Variants in SKOR2 observed in about 807,000 individuals in gnomAD.
SKOR2 encodes LBX1 corepressor 1-like protein.
In SKOR2, 47 loss-of-function variants were observed where a neutral mutation model predicts 69.1. That is an observed-to-expected ratio of 0.68 (90% CI 0.54 to 0.87). SKOR2 has a LOEUF of 0.87. Among genes scored for constraint, SKOR2 ranks in the 40% least tolerant of loss-of-function variants. The pLI, the probability that SKOR2 is intolerant of heterozygous loss-of-function variation, is 0.00. For synonymous variants in SKOR2, 717 were observed against 672.6 expected (o/e 1.07, Z -1.02); for missense variants, 1,404 against 1,472.2 (o/e 0.95, Z 0.76).
chr18:47,231,883 A>C (rs903895776), intron 4 of SKOR2, among the ~76,000 whole-genome samples: 1 of 150,682 alleles, frequency 6.6e-6, no homozygotes, highest in Non-Finnish European at 1.5e-5. Flanking sequence ...AGGTGTGGTG[A>C]CTCACATCTG....
chr18:47,212,251 A>G, intron 7 of SKOR2, 100 bp from the exon 8 acceptor site: 1 of 1,091,436 alleles, frequency 9.2e-7, no homozygotes, highest in Non-Finnish European at 1.2e-6. Flanking sequence ...GAATGCCAAT[A>G]GATCCTCCCT....
chr18:47,251,066 C>T (rs1343976795), intron 1 of SKOR2, among the ~76,000 whole-genome samples: 1 of 151,406 alleles, frequency 6.6e-6, no homozygotes, highest in Non-Finnish European at 1.5e-5. Context: ...ACCCCAAGCC[C>T]TCCCAGAAAC....
chr18:47,209,890 G>C (rs2064122754), intron 8 of SKOR2, among the ~76,000 whole-genome samples: 2 of 152,122 alleles, frequency 1.3e-5, no homozygotes, highest in Admixed American at 1.3e-4. Context: ...CCAGGAGCTT[G>C]AGACCAGCCT....
intron 4 of SKOR2, among the ~76,000 whole-genome samples, chr18:47,239,123 T>C (rs974557537): frequency 6.6e-6 from 1 of 152,212 alleles, no homozygotes; most frequent in Non-Finnish European, 1.5e-5. Context: ...GTGTAACTAG[T>C]ACACTTAAGA....
At chr18:47,233,968 T>C (rs973620360) in intron 4 of SKOR2, among the ~76,000 whole-genome samples, 2 of 152,216 alleles carry the variant, frequency 1.3e-5, no homozygotes, top group African/African-American at 2.4e-5. Flanking sequence ...ACAATTTGCA[T>C]TGGCATCTAT....
At chr18:47,241,264 G>A (rs2064247437) in intron 4 of SKOR2, among the ~76,000 whole-genome samples, 1 of 152,102 alleles carries the variant, frequency 6.6e-6, no homozygotes, top group Non-Finnish European at 1.5e-5. Flanking sequence ...GTTACATGGG[G>A]GAAAATATCT....
rs776109423 is a variant in SKOR2, at chr18:47,249,025, C to G, written c.159G>C (p.Ser53=). ...GGCGCTCTTGCCCGTCGATCACCAACGACACGATGGGAATGCCGTAGAGGA... is the reference window on the plus strand; with the variant it reads ...GGCGCTCTTGCCCGTCGATCACCAAGGACACGATGGGAATGCCGTAGAGGA... The part of the protein sequence containing the change: ...QVILYGIPIV[S]LVIDGQERLC... Residue 53 remains serine, a synonymous_variant, in exon 2 of 9, where the codon TCG becomes TCC. Coordinates refer to ENST00000425639, the MANE Select transcript of SKOR2 (RefSeq NM_001278063.4). 7 of 1,542,326 alleles carry G rather than the reference C, an allele frequency of 4.5e-6. No homozygotes were observed. Among genetic ancestry groups the G allele is most frequent in the Non-Finnish European group, 6.1e-6 (7 of 1,149,816 alleles).
At chr18:47,238,577 C>G (rs778603789) in intron 4 of SKOR2, among the ~76,000 whole-genome samples, 4 of 152,102 alleles carry the variant, frequency 2.6e-5, no homozygotes, top group Non-Finnish European at 5.9e-5. Flanking sequence ...CCTGCCTCAG[C>G]CTCCCAAAGT....
At chr18:47,227,084 CTTGT>C (rs2064181085) in intron 6 of SKOR2, among the ~76,000 whole-genome samples, 1 of 152,110 alleles carries the variant, frequency 6.6e-6, no homozygotes. Flanking sequence ...CAGAGACTTG[CTTGT>C]TTCTCTTCCT....
At chr18:47,235,194 G>A (rs2064217037) in intron 4 of SKOR2, among the ~76,000 whole-genome samples, 1 of 152,042 alleles carries the variant, frequency 6.6e-6, no homozygotes, top group Non-Finnish European at 1.5e-5. Flanking sequence ...AACTCTGTCT[G>A]TACAAAAAAG....
At chr18:47,218,044 G>T (rs903578982) in intron 7 of SKOR2, among the ~76,000 whole-genome samples, 5 of 152,074 alleles carry the variant, frequency 3.3e-5, no homozygotes, top group Non-Finnish European at 7.4e-5. Flanking sequence ...TATCTCAAAA[G>T]ACATGAGATA....
At chr18:47,244,414 T>C (rs912966415) in intron 4 of SKOR2, among the ~76,000 whole-genome samples, 48 of 152,366 alleles carry the variant, frequency 3.2e-4, no homozygotes, top group South Asian at 6.2e-4. Flanking sequence ...TAATCACGTC[T>C]TTCCCAAACC....
intron 4 of SKOR2, among the ~76,000 whole-genome samples, chr18:47,232,265 G>A (rs879430086): frequency 6.6e-6 from 1 of 152,018 alleles, no homozygotes; most frequent in South Asian, 2.1e-4. Flanking sequence ...GCTCTTCCTC[G>A]ACCAAAGAAA....
intron 7 of SKOR2, among the ~76,000 whole-genome samples, chr18:47,214,417 C>T (rs1026091819): frequency 1.3e-5 from 2 of 152,042 alleles, no homozygotes; most frequent in African/African-American, 4.8e-5. Context: ...ATTATCCCTA[C>T]TAGAATGTTG....
At position 47,244,945 on chromosome 18, in the gene SKOR2, A is replaced by G; in HGVS notation, c.2715T>C (p.Ser905=). ...NKEHSFFITD[S]DASGGDFWRE... ...TCCAAAAATCTCCTCCAGAAGCATC[A>G]GAGTCTGTGATGAAAAAGCTATGCT... is the stretch of plus-strand genomic sequence containing the variant. The change falls in exon 4 of 9, where the codon TCT becomes TCC. Residue 905 remains serine (S), a synonymous_variant. Coordinates refer to ENST00000425639, the MANE Select transcript of SKOR2 (RefSeq NM_001278063.4). 6.5e-7 allele frequency: 1 copy of G among 1,535,896 alleles called. No individual in the cohort carries two copies. Among genetic ancestry groups the G allele is most frequent in the Non-Finnish European group, 8.7e-7 (1 of 1,146,650 alleles).
intron 4 of SKOR2, among the ~76,000 whole-genome samples, chr18:47,244,103 C>T (rs528911636): frequency 1.4e-4 from 21 of 152,162 alleles, no homozygotes; most frequent in African/African-American, 2.9e-4. Flanking sequence ...GGTTTGGAGA[C>T]CTTTTTCATT....
intron 3 of SKOR2, 71 bp downstream of exon 3, chr18:47,245,427 G>A: frequency 7.4e-7 from 1 of 1,354,864 alleles, no homozygotes; most frequent in Admixed American, 3.0e-5. Context: ...GAGGAGGCTG[G>A]GCATAAGTCT....
chr18:47,222,627 C>A lies in SKOR2; in HGVS notation c.2918-2617G>T, dbSNP rs1313626697. Among the ~76,000 whole-genome samples the A allele has an allele frequency of 2.6e-5, 4 of 152,184 alleles. No individual in the cohort carries two copies. In the East Asian group the frequency reaches 5.8e-4, roughly 22 times the overall value. ...ATCAGTGTGGTTCCAGACACTGGAG[C>A]ACATGGCAAGCATGGCTCCCTTTGT... On this transcript the variant is annotated intron_variant, in intron 6 of 8. Transcript: ENST00000425639.
Position 47,247,092 on chromosome 18 carries a change from G to A in SKOR2, c.2092C>T (p.Pro698Ser). 7.4e-7 allele frequency: 1 copy of A among 1,352,578 alleles called. No individual in the cohort carries two copies. Among genetic ancestry groups the A allele is most frequent in the African/African-American group, 1.5e-5 (1 of 65,438 alleles). The allele number at this position is 1,352,578 out of a possible 1,614,324, so 83.8% of individuals were successfully genotyped here. A position where few individuals can be genotyped will look rare whatever the true frequency, so the allele number is the denominator to read the frequency against. ...SERHHPAPPP[P>S]PPPPPPPPLA... ...GGGGGCGGCGGGGGCGGCGGCGGCG[G>A]CGGCGGCGGGGCCGGGTGGTGGCGC... The change falls in exon 2 of 9, where the codon CCG (proline) becomes TCG (serine). Residue 698 changes from proline to serine, a missense_variant. Physicochemically the swap from Pro to Ser is moderately conservative, Grantham distance 74 (BLOSUM62 -1). Transcript: ENST00000425639. This position sits in a 1 kb window ranked among gnomAD's most constrained non-coding sequence, Gnocchi z 6.6.
Sources: allele counts gnomAD v4.1 joint callset (sites outside exome capture counted in the v4.1 genomes callset), GRCh38; gene constraint gnomAD v4.1.1; non-coding constraint Gnocchi (gnomAD v3.1); transcripts MANE v1.5; gene names NCBI Gene and HGNC (gene_info 2026-07-23, HGNC 2026-07-21).